Variants in SPPL3 observed in about 807,000 individuals in gnomAD.
SPPL3 encodes the protein signal peptide peptidase-like 3.
SPPL3 carries 5 observed loss-of-function variants against 42.4 expected under a neutral mutation model. That is an observed-to-expected ratio of 0.12 (90% CI 0.06 to 0.25). The LOEUF (loss-of-function observed/expected upper bound fraction) is 0.25, where lower values mean the gene tolerates loss of function less well. SPPL3 is among the 10% of genes least tolerant of loss of function. The pLI is 1.00. For missense variants in SPPL3, 235 were observed against 489.0 expected, an observed-to-expected ratio of 0.48 and a Z score of 4.90; for synonymous variants, 195 against 181.8, an observed-to-expected ratio of 1.07 and a Z score of -0.58.
chr12:120,775,204 G>C (rs1364473280), intron 6 of SPPL3, among the ~76,000 whole-genome samples: 2 of 152,166 alleles, frequency 1.3e-5, no homozygotes. Flanking sequence ...AGGTTGGAGT[G>C]CAGTGGTGCA....
chr12:120,892,397 C>G (rs545996748), intron 1 of SPPL3, among the ~76,000 whole-genome samples: 1 of 152,178 alleles, frequency 6.6e-6, no homozygotes, highest in Admixed American at 6.5e-5. Context: ...TCTCCTGCGC[C>G]AATCAGAAAG....
At chr12:120,871,373 A>G (rs1308634252) in intron 1 of SPPL3, among the ~76,000 whole-genome samples, 1 of 152,168 alleles carries the variant, frequency 6.6e-6, no homozygotes, top group African/African-American at 2.4e-5. Context: ...CACTGAAAGT[A>G]CAATCATCCC....
intron 1 of SPPL3, among the ~76,000 whole-genome samples, chr12:120,867,540 C>T (rs1172218318): frequency 6.6e-6 from 1 of 151,910 alleles, no homozygotes; most frequent in Non-Finnish European, 1.5e-5. Flanking sequence ...TGGTACGTGC[C>T]TGTAGTCCCA....
intron 6 of SPPL3, among the ~76,000 whole-genome samples, chr12:120,773,741 C>G (rs976878692): frequency 1.3e-5 from 2 of 152,220 alleles, no homozygotes; most frequent in African/African-American, 4.8e-5. Flanking sequence ...TCTCAAGTGA[C>G]TACCAGCGCC....
At chr12:120,898,460 G>A (rs11065322) in intron 1 of SPPL3, among the ~76,000 whole-genome samples, 29,362 of 151,566 alleles carry the variant, frequency 0.19, 4,492 homozygotes, top group African/African-American at 0.41. Flanking sequence ...TCATCCCTCA[G>A]AGAGACACAC....
chr12:120,902,976 A>AT (rs1201270610), intron 1 of SPPL3, among the ~76,000 whole-genome samples: 3 of 152,022 alleles, frequency 2.0e-5, no homozygotes, highest in Non-Finnish European at 4.4e-5. Flanking sequence ...CCTTCTCCGG[A>AT]TATGTAGGTT....
rs370740672 is a variant in SPPL3 at position 120,768,429 on chromosome 12, C to T, written c.669G>A (p.Pro223=). 5.8e-5 allele frequency: 94 copies of T among 1,614,048 alleles called. No individual in the cohort carries two copies. In the East Asian group the frequency reaches 6.0e-4, roughly 10 times the overall value. Residue 223 remains proline, a synonymous_variant, in exon 8 of 11, where the codon CCG becomes CCA. Coordinates refer to ENST00000353487, the MANE Select transcript of SPPL3 (RefSeq NM_139015.5). ...SNVMVKVATQ[P]ADNPLDVLSR... The stretch of plus-strand genomic sequence containing the variant: ...ATAGAACGTCAAGGGGATTGTCAGC[C>T]GGCTGAGTGGCCACCTTCACCATGA...
chr12:120,781,777 C>CACCATTTTA (rs1869556192), intron 6 of SPPL3, among the ~76,000 whole-genome samples: 3 of 150,796 alleles, frequency 2.0e-5, no homozygotes, highest in Admixed American at 2.0e-4. Flanking sequence ...GACGGGGTCT[C>CACCATTTTA]ACCATTTTAG....
chr12:120,845,442 G>A (rs562642637), intron 1 of SPPL3: 41 of 404,164 alleles, frequency 1.0e-4, no homozygotes, highest in Non-Finnish European at 1.7e-4. Flanking sequence ...GATCTTGTCC[G>A]AGCCGCCCAC....
chr12:120,884,581 T>C (rs572047631), intron 1 of SPPL3, among the ~76,000 whole-genome samples: 1 of 150,976 alleles, frequency 6.6e-6, no homozygotes, highest in African/African-American at 2.4e-5. Context: ...TGTCACAATA[T>C]ATGGATTTTT....
In SPPL3 at chr12:120,798,948, C is replaced by A. The variant is rs150740584; in HGVS notation, c.102-7391G>T. 3.4e-3 allele frequency among the ~76,000 whole-genome samples: 514 copies of A among 152,230 alleles called. 3 individuals are homozygous for A. Among genetic ancestry groups the A allele is most frequent in the African/African-American group, 0.012 (498 of 41,532 alleles). On this transcript the variant is annotated intron_variant, in intron 2 of 10. Transcript: ENST00000353487. ...GTTAGTGAGAATAGGTGCTGAGAAC[C>A]CCCCGCGGGACAGGATGAAGGGTTA...
Position 120,903,881 on chromosome 12 carries a change from G to T in SPPL3, c.-14C>A, listed in dbSNP as rs1434157541. 7.0e-7 allele frequency: 1 copy of T among 1,438,710 alleles called. No individual in the cohort carries two copies. Among genetic ancestry groups the T allele is most frequent in the Non-Finnish European group, 9.1e-7 (1 of 1,097,870 alleles). The allele number at this position is 1,438,710 out of a possible 1,614,324, so 89.1% of individuals were successfully genotyped here. On this transcript the variant is annotated 5_prime_UTR_variant, in exon 1 of 11. Transcript: ENST00000353487. ...CTGCTCCGCCATGGCGCTGCCTCTCGTGGGCTCCGCTGCAGGCTGTGGCCG... is the reference window on the plus strand; with the variant it reads ...CTGCTCCGCCATGGCGCTGCCTCTCTTGGGCTCCGCTGCAGGCTGTGGCCG...
At chr12:120,867,691 GAGA>G (rs147902810) in intron 1 of SPPL3, among the ~76,000 whole-genome samples, 7,083 of 151,782 alleles carry the variant, frequency 0.047, 174 homozygotes, top group South Asian at 0.067. Context: ...TAATGGTGCT[GAGA>G]AGAAGTTTAT....
Position 120,903,967 on chromosome 12 carries a change from T to TGCTTGCTTGCTC in SPPL3, c.-112_-101dup. 1.9e-6 allele frequency: 2 copies of TGCTTGCTTGCTC among 1,029,562 alleles called. No homozygotes were observed. The highest frequency in any genetic ancestry group is 2.5e-6 in the Non-Finnish European group (2 of 799,628). 63.8% of individuals were successfully genotyped at this position (1,029,562 alleles called of 1,614,324 possible). A position where few individuals can be genotyped will look rare whatever the true frequency, so the allele number is the denominator to read the frequency against. ...GAAGGCGCGGCCGGGGTCCGGTGCT[T>TGCTTGCTTGCTC]GCTTGCTTGCTCGCTCGCTGGCTCG... On this transcript the variant is annotated 5_prime_UTR_variant, in exon 1 of 11. Coordinates refer to ENST00000353487, the MANE Select transcript of SPPL3 (RefSeq NM_139015.5).
intron 6 of SPPL3, among the ~76,000 whole-genome samples, chr12:120,778,615 G>A (rs1317214393): frequency 6.6e-6 from 1 of 151,938 alleles, no homozygotes; most frequent in African/African-American, 2.4e-5. Context: ...CTATAATCTT[G>A]TCTTTTTAAC....
intron 2 of SPPL3, chr12:120,791,905 C>T (rs914606086): frequency 1.2e-4 from 30 of 244,808 alleles, no homozygotes; most frequent in Non-Finnish European, 2.0e-4. Context: ...CACAACTGTT[C>T]GCAAAAAGGC....
At chr12:120,874,317 G>A (rs1410919808) in intron 1 of SPPL3, among the ~76,000 whole-genome samples, 1 of 151,866 alleles carries the variant, frequency 6.6e-6, no homozygotes, top group Non-Finnish European at 1.5e-5. Context: ...GCTGGGCGTG[G>A]AGATGGGTGC....
chr12:120,859,061 T>A (rs763626697), intron 1 of SPPL3, among the ~76,000 whole-genome samples: 90 of 152,196 alleles, frequency 5.9e-4, no homozygotes, highest in Non-Finnish European at 2.9e-4. Flanking sequence ...AGTAAGAAAA[T>A]CTCTCTATGG....
intron 2 of SPPL3, among the ~76,000 whole-genome samples, chr12:120,808,580 T>C (rs1237942484): frequency 6.6e-6 from 1 of 152,260 alleles, no homozygotes; most frequent in African/African-American, 2.4e-5. Flanking sequence ...GATATTTATC[T>C]TGGTGATATA....
Sources: allele counts gnomAD v4.1 joint callset (sites outside exome capture counted in the v4.1 genomes callset), GRCh38; gene constraint gnomAD v4.1.1; transcripts MANE v1.5; gene names NCBI Gene and HGNC (gene_info 2026-07-23, HGNC 2026-07-21).